The following C9orf57 variants were observed in gnomAD, a reference collection of about 807,000 sequenced individuals.
The protein encoded by C9orf57 is uncharacterized protein C9orf57.
In C9orf57, 12 loss-of-function variants were observed where a neutral mutation model predicts 12.9. The ratio of observed to expected loss-of-function variants is 0.93; its 90% CI spans 0.60 to 1.51. C9orf57 has a LOEUF of 1.51. C9orf57 is among the 40% of genes most tolerant of loss of function. The pLI is 0.00. For synonymous variants in C9orf57, 49 were observed against 57.1 expected (o/e 0.86, Z 0.64); for missense variants, 141 against 162.8 (o/e 0.87, Z 0.73).
At position 72,052,205 on chromosome 9, in the gene C9orf57, G is replaced by A; in HGVS notation, c.*91C>T. On this transcript the variant is annotated 3_prime_UTR_variant, in exon 5 of 5. Coordinates refer to ENST00000651200, the MANE Select transcript of C9orf57 (RefSeq NM_001128618.2). ...ACAAGGGTCTGAGGTTTCTGAAGTGGGCTAATTGACAATAGCCATCATTTT... is the reference window on the plus strand; with the variant it reads ...ACAAGGGTCTGAGGTTTCTGAAGTGAGCTAATTGACAATAGCCATCATTTT... The A allele has an allele frequency of 7.1e-7, 1 of 1,407,466 alleles. No individual in the cohort carries two copies. The highest frequency in any genetic ancestry group is 1.4e-5 in the South Asian group (1 of 72,954). 87.2% of individuals were successfully genotyped at this position (1,407,466 alleles called of 1,614,324 possible). A position where few individuals can be genotyped will look rare whatever the true frequency, so the allele number is the denominator to read the frequency against.
chr9:72,060,355 T>C, intron 1 of C9orf57, 142 bp downstream of exon 1: 1 of 607,768 alleles, frequency 1.6e-6, no homozygotes, highest in Non-Finnish European at 3.0e-6. Flanking sequence ...TATGAATTAT[T>C]AATAATACTT....
Position 72,052,193 on chromosome 9 carries a change from G to T in C9orf57, c.*103C>A. The T allele has an allele frequency of 7.5e-7, 1 of 1,330,604 alleles. No homozygotes were observed. Among genetic ancestry groups the T allele is most frequent in the Non-Finnish European group, 1.0e-6 (1 of 981,184 alleles). The allele number at this position is 1,330,604 out of a possible 1,614,324, so 82.4% of individuals were successfully genotyped here. On this transcript the variant is annotated 3_prime_UTR_variant, in exon 5 of 5. Transcript: ENST00000651200. ...TTCCTTCTACCTACAAGGGTCTGAG[G>T]TTTCTGAAGTGGGCTAATTGACAAT... is the stretch of plus-strand genomic sequence containing the variant.
intron 4 of C9orf57, among the ~76,000 whole-genome samples, chr9:72,055,084 C>G (rs139121204): frequency 6.7e-6 from 1 of 148,916 alleles, no homozygotes; most frequent in African/African-American, 2.4e-5. Flanking sequence ...AGCCACCATG[C>G]GCGACTAATT....
chr9:72,056,347 A>AAT (rs1824201263), intron 3 of C9orf57, among the ~76,000 whole-genome samples, 151 bp from the exon 4 acceptor site: 2 of 148,138 alleles, frequency 1.4e-5, no homozygotes, highest in Non-Finnish European at 1.5e-5. Flanking sequence ...ATATATATTA[A>AAT]ATATATATAT....
intron 2 of C9orf57, among the ~76,000 whole-genome samples, chr9:72,058,777 AT>A (rs1824261425): frequency 6.6e-6 from 1 of 152,240 alleles, no homozygotes; most frequent in South Asian, 2.1e-4. Flanking sequence ...TTTGTTGATG[AT>A]TTTCCCCAGG....
intron 4 of C9orf57, among the ~76,000 whole-genome samples, chr9:72,055,314 CTT>C (rs1221008188): frequency 6.7e-6 from 1 of 149,904 alleles, no homozygotes; most frequent in Non-Finnish European, 1.5e-5. Context: ...CTTCCATCCT[CTT>C]TCTCTCTTTC....
At chr9:72,054,218 G>A (rs972965772) in intron 4 of C9orf57, among the ~76,000 whole-genome samples, 15 of 152,206 alleles carry the variant, frequency 9.9e-5, no homozygotes, top group Non-Finnish European at 1.5e-4. Flanking sequence ...GACTGGTCTC[G>A]AACTCCCCAC....
rs1304406906 is a variant in C9orf57, at chr9:72,056,806, C to T, written c.135G>A (p.Trp45Ter). 6.5e-7 allele frequency: 1 copy of T among 1,550,332 alleles called. No individual in the cohort carries two copies. The highest frequency in any genetic ancestry group is 2.0e-5 in the Admixed American group (1 of 50,906). ...TACCTTGAATGTGGACCTCTTCTTT[C>T]CAGTACTGACCAGGTTTTGTCTGGC... ...GTCQTKPGQYWKEEVHIQDVG... is the reference protein window; with the variant it reads ...GTCQTKPGQY Residue 45 changes from tryptophan to a stop codon, truncating the protein, a stop_gained, in exon 3 of 5, where the codon TGG becomes TGA. Coordinates refer to ENST00000651200, the MANE Select transcript of C9orf57 (RefSeq NM_001128618.2). LOFTEE classifies it high-confidence loss of function.
chr9:72,058,815 A>G (rs2132439432), intron 2 of C9orf57, among the ~76,000 whole-genome samples: 1 of 152,344 alleles, frequency 6.6e-6, no homozygotes, highest in Non-Finnish European at 1.5e-5. Flanking sequence ...GACACTTGGG[A>G]AATTTCACAT....
Position 72,056,825 on chromosome 9 carries a change from G to A in C9orf57, c.116C>T (p.Thr39Ile). 6.4e-7 allele frequency: 1 copy of A among 1,550,952 alleles called. No individual in the cohort carries two copies. The highest frequency in any genetic ancestry group is 8.7e-7 in the Non-Finnish European group (1 of 1,146,394). Reference sequence around the variant, plus strand: ...TTCTTTCCAGTACTGACCAGGTTTTGTCTGGCAGGTTCCCAGGTCTAAAAG... The same window carrying A: ...TTCTTTCCAGTACTGACCAGGTTTTATCTGGCAGGTTCCCAGGTCTAAAAG... ...GRLGDLGTCQ[T>I]KPGQYWKEEV... Residue 39 changes from threonine to isoleucine, a missense_variant, in exon 3 of 5, where the codon ACA becomes ATA. Transcript: ENST00000651200.
intron 2 of C9orf57, among the ~76,000 whole-genome samples, chr9:72,057,679 T>A (rs1331956185): frequency 1.3e-5 from 2 of 152,218 alleles, no homozygotes; most frequent in African/African-American, 4.8e-5. Context: ...TCCTCAGTGC[T>A]TAATTAAATC....
At position 72,060,536 on chromosome 9, in the gene C9orf57, T is replaced by C; in HGVS notation, c.-93A>G. The C allele has an allele frequency of 1.3e-6, 2 of 1,548,904 alleles. No homozygotes were observed. Among genetic ancestry groups the C allele is most frequent in the Non-Finnish European group, 1.7e-6 (2 of 1,144,792 alleles). ...AAGGTACTATGGAAATTTTCCTGGGTCTGAACTTTCTTAAAAGGATGAGAA... is the reference window on the plus strand; with the variant it reads ...AAGGTACTATGGAAATTTTCCTGGGCCTGAACTTTCTTAAAAGGATGAGAA... On this transcript the variant is annotated 5_prime_UTR_variant, in exon 1 of 5. Transcript: ENST00000651200.
chr9:72,054,277 C>T (rs1337655625), intron 4 of C9orf57, among the ~76,000 whole-genome samples: 2 of 152,192 alleles, frequency 1.3e-5, no homozygotes, highest in African/African-American at 2.4e-5. Flanking sequence ...GGATTATAGG[C>T]GTGAGCCACC....
At chr9:72,052,697 T>C (rs113256056) in intron 4 of C9orf57, among the ~76,000 whole-genome samples, 1 of 152,190 alleles carries the variant, frequency 6.6e-6, no homozygotes, top group African/African-American at 2.4e-5. Flanking sequence ...GTAAAAGCCA[T>C]GCAATTGCCA....
rs1824281068 is a variant in C9orf57 at position 72,059,383 on chromosome 9, T to C, written c.-52A>G. On this transcript the variant is annotated splice_region_variant and 5_prime_UTR_variant, in exon 2 of 5. Coordinates refer to ENST00000651200, the MANE Select transcript of C9orf57 (RefSeq NM_001128618.2). Reference sequence around the variant, plus strand: ...GAAAGGAAAGACACGTCCCACTGATTTCTGGGGAAGCAATAAAGTTACACA... The same window carrying C: ...GAAAGGAAAGACACGTCCCACTGATCTCTGGGGAAGCAATAAAGTTACACA... The C allele has an allele frequency of 6.4e-7, 1 of 1,551,578 alleles. No homozygotes were observed. The highest frequency in any genetic ancestry group is 1.4e-5 in the African/African-American group (1 of 73,018).
intron 4 of C9orf57, among the ~76,000 whole-genome samples, chr9:72,054,080 C>T (rs1824137908): frequency 6.6e-6 from 1 of 152,216 alleles, no homozygotes; most frequent in African/African-American, 2.4e-5. Context: ...CTCACCGCAA[C>T]CTCCACCTCC....
intron 3 of C9orf57, 98 bp downstream of exon 3, chr9:72,056,686 A>G: frequency 7.9e-7 from 1 of 1,267,214 alleles, no homozygotes; most frequent in South Asian, 1.4e-5. Flanking sequence ...TAGCCCTGGC[A>G]AAGCCCTTAG....
intron 2 of C9orf57, among the ~76,000 whole-genome samples, chr9:72,057,262 G>A (rs924224166): frequency 1.3e-5 from 2 of 151,656 alleles, no homozygotes; most frequent in South Asian, 2.1e-4. Context: ...AATTTCACTC[G>A]TTGCCCAGGC....
At position 72,059,401 on chromosome 9, in the gene C9orf57, G is replaced by T. The variant is rs763940043; in HGVS notation, c.-53-17C>A. 1.7e-5 allele frequency: 26 copies of T among 1,550,900 alleles called. No homozygotes were observed. In the Admixed American group the frequency reaches 5.1e-4, roughly 31 times the overall value. On this transcript the variant is annotated splice_polypyrimidine_tract_variant and intron_variant, in intron 1 of 4. Coordinates refer to ENST00000651200, the MANE Select transcript of C9orf57 (RefSeq NM_001128618.2). ...CACTGATTTCTGGGGAAGCAATAAA[G>T]TTACACATTTATGTTAGCTATTTTA...
Sources: allele counts gnomAD v4.1 joint callset (sites outside exome capture counted in the v4.1 genomes callset), GRCh38; gene constraint gnomAD v4.1.1; transcripts MANE v1.5; gene names NCBI Gene and HGNC (gene_info 2026-07-23, HGNC 2026-07-21).